The following YLPM1 variants were observed in gnomAD, a reference collection of about 807,000 sequenced individuals.
YLPM1 encodes the protein YLP motif containing 1.
In YLPM1, 99 loss-of-function variants were observed where a neutral mutation model predicts 230.0. The ratio of observed to expected loss-of-function variants is 0.43; its 90% CI spans 0.37 to 0.51. The LOEUF (loss-of-function observed/expected upper bound fraction) is 0.51. Among genes scored for constraint, YLPM1 ranks in the 20% least tolerant of loss-of-function variants. The pLI, the probability that YLPM1 is intolerant of heterozygous loss-of-function variation, is 0.00. For synonymous variants in YLPM1, 984 were observed against 942.5 expected, an observed-to-expected ratio of 1.04 and a Z score of -0.81; for missense variants, 2,592 against 2,707.7, an observed-to-expected ratio of 0.96 and a Z score of 0.95.
At chr14:74,778,202 G>A (rs1170478460) in intron 1 of YLPM1, among the ~76,000 whole-genome samples, 3 of 152,160 alleles carry the variant, frequency 2.0e-5, no homozygotes, top group Non-Finnish European at 4.4e-5. Flanking sequence ...TTTTATTAGA[G>A]TACAGAAGCA....
chr14:74,763,749 C>G lies in YLPM1; in HGVS notation c.260C>G (p.Pro87Arg). 6.7e-7 allele frequency: 1 copy of G among 1,492,012 alleles called. No individual in the cohort carries two copies. Among genetic ancestry groups the G allele is most frequent in the Non-Finnish European group, 8.9e-7 (1 of 1,121,652 alleles). 92.4% of individuals were successfully genotyped at this position (1,492,012 alleles called of 1,614,324 possible). A position where few individuals can be genotyped will look rare whatever the true frequency, so the allele number is the denominator to read the frequency against. ...QPHHLPPPPL[P>R]PPPVMPGGGY... ...CACCACCTTCCTCCGCCCCCTCTGC[C>G]GCCCCCGCCAGTGATGCCGGGGGGC... Residue 87 changes from proline to arginine, a missense_variant, in exon 1 of 21, where the codon CCG becomes CGG. Physicochemically the swap from Pro to Arg is moderately radical, Grantham distance 103. Coordinates refer to ENST00000325680, the MANE Select transcript of YLPM1 (RefSeq NM_019589.3).
intron 11 of YLPM1, among the ~76,000 whole-genome samples, chr14:74,814,344 G>C (rs1465879439): frequency 6.6e-6 from 1 of 152,222 alleles, no homozygotes; most frequent in African/African-American, 2.4e-5. Flanking sequence ...CTGGGCGACA[G>C]AGCGAGACTC....
At chr14:74,829,189 T>C (rs573122925) in intron 18 of YLPM1, 24 bp from the exon 19 acceptor site, 2 of 1,612,138 alleles carry the variant, frequency 1.2e-6, no homozygotes, top group East Asian at 2.2e-5. Context: ...TCCTTAATGC[T>C]ACGGCTCTGT....
rs754028636 is a variant in YLPM1, at chr14:74,780,558, A to T, written c.1264A>T (p.Ile422Phe). Reference protein sequence around the residue: ...LQQILQQYQQIIQPPPHIQTM... With the variant: ...LQQILQQYQQFIQPPPHIQTM... The stretch of plus-strand genomic sequence containing the variant: ...GCAGATTCTACAACAGTATCAGCAG[A>T]TTATACAGCCCCCACCACATATACA... The change falls in exon 3 of 21, where the codon ATT becomes TTT. Residue 422 changes from isoleucine (I) to phenylalanine (F), a missense_variant. Physicochemically the swap from Ile to Phe is conservative, Grantham distance 21. Around this residue, in one of 4 missense-constraint regions of YLPM1, gnomAD observed 1,862 missense variants for 1,819.8 expected, o/e 1.02. Coordinates refer to ENST00000325680, the MANE Select transcript of YLPM1 (RefSeq NM_019589.3). The T allele has an allele frequency of 6.2e-7, 1 of 1,613,640 alleles. No individual in the cohort carries two copies. Among genetic ancestry groups the T allele is most frequent in the Non-Finnish European group, 8.5e-7 (1 of 1,179,738 alleles).
At chr14:74,764,490 GT>G in intron 1 of YLPM1, 128 bp downstream of exon 1, 1 of 1,259,092 alleles carries the variant, frequency 7.9e-7, no homozygotes, top group Non-Finnish European at 1.1e-6. Context: ...AAAGGATTCC[GT>G]AAGAGTCAGA....
intron 1 of YLPM1, among the ~76,000 whole-genome samples, chr14:74,764,717 GT>G (rs1035413707): frequency 4.6e-5 from 7 of 152,166 alleles, no homozygotes; most frequent in African/African-American, 1.2e-4. Context: ...TTAAACGAAA[GT>G]TTCCATTTGA....
intron 4 of YLPM1, among the ~76,000 whole-genome samples, chr14:74,795,654 C>T (rs138210488): frequency 6.6e-6 from 1 of 152,356 alleles, no homozygotes; most frequent in East Asian, 1.9e-4. Flanking sequence ...ATCACCTTCA[C>T]TTACCCAAAT....
intron 4 of YLPM1, among the ~76,000 whole-genome samples, chr14:74,793,297 C>CA (rs2091225625): frequency 6.6e-6 from 1 of 152,048 alleles, no homozygotes; most frequent in Admixed American, 6.6e-5. Context: ...TGGAACTCTT[C>CA]ATTAGTAGGA....
rs1305723295 is a variant in YLPM1, at chr14:74,837,061, C to T, written c.*1323C>T. On this transcript the variant is annotated 3_prime_UTR_variant, in exon 21 of 21. Coordinates refer to ENST00000325680, the MANE Select transcript of YLPM1 (RefSeq NM_019589.3). ...CTCTTTCAGGCCACAGATGAAAATC[C>T]TTTACTTTTATGACCTACATTAAAG... 1.3e-5 allele frequency: 2 copies of T among 152,134 alleles called. No individual in the cohort carries two copies. Among genetic ancestry groups the T allele is most frequent in the East Asian group, 1.9e-4 (1 of 5,198 alleles). The allele number at this position is 152,134 out of a possible 1,614,324, so 9.4% of individuals were successfully genotyped here.
chr14:74,763,437 T>G lies in YLPM1; in HGVS notation c.-53T>G, dbSNP rs1427565534. Reference sequence around the variant, plus strand: ...CCGTCGCCGCCGCGGCTCCTGGAGGTCGGTTGCGACGAGTAACGGCGCCAG... The same window carrying G: ...CCGTCGCCGCCGCGGCTCCTGGAGGGCGGTTGCGACGAGTAACGGCGCCAG... On this transcript the variant is annotated 5_prime_UTR_variant, in exon 1 of 21. Coordinates refer to ENST00000325680, the MANE Select transcript of YLPM1 (RefSeq NM_019589.3). 1.5e-6 allele frequency: 2 copies of G among 1,354,168 alleles called. No individual in the cohort carries two copies. The highest frequency in any genetic ancestry group is 1.5e-5 in the African/African-American group (1 of 66,254). The allele number at this position is 1,354,168 out of a possible 1,614,324, so 83.9% of individuals were successfully genotyped here. A position where few individuals can be genotyped will look rare whatever the true frequency, so the allele number is the denominator to read the frequency against.
In YLPM1 at chr14:74,764,278, G is replaced by A; in HGVS notation, c.789G>A (p.Glu263=). 6.2e-7 allele frequency: 1 copy of A among 1,613,848 alleles called. No individual in the cohort carries two copies. The highest frequency in any genetic ancestry group is 8.5e-7 in the Non-Finnish European group (1 of 1,179,876). The stretch of plus-strand genomic sequence containing the variant: ...GAAATAAGACAACTGTCCAGCAAGA[G>A]CCTTTGGAGAGTGGGGCCAAAAACA... ...PPGNKTTVQQ[E]PLESGAKNKS... is the part of the protein sequence containing the mutation. Residue 263 remains glutamate, a synonymous_variant, in exon 1 of 21, where the codon GAG becomes GAA. Transcript: ENST00000325680.
At chr14:74,782,440 A>G (rs934279738) in intron 4 of YLPM1, 115 bp downstream of exon 4, 9 of 1,231,120 alleles carry the variant, frequency 7.3e-6, no homozygotes, top group Non-Finnish European at 9.6e-6. Context: ...CTCTCTTTGT[A>G]CTTATATTGT....
Position 74,764,239 on chromosome 14 carries a change from G to A in YLPM1, c.750G>A (p.Pro250=). ...SKSQLLAPPP[P]SAPPGNKTTV... is the part of the protein sequence containing the mutation. ...CCCAACTACTAGCTCCACCACCACC[G>A]TCCGCCCCCCCTGGAAATAAGACAA... Residue 250 remains proline, a synonymous_variant, in exon 1 of 21, where the codon CCG becomes CCA. Coordinates refer to ENST00000325680, the MANE Select transcript of YLPM1 (RefSeq NM_019589.3). 1 of 1,612,830 alleles carries A rather than the reference G, an allele frequency of 6.2e-7. No homozygotes were observed. The highest frequency in any genetic ancestry group is 8.5e-7 in the Non-Finnish European group (1 of 1,179,574).
At chr14:74,813,079 A>G (rs546780763) in intron 11 of YLPM1, among the ~76,000 whole-genome samples, 14 of 152,318 alleles carry the variant, frequency 9.2e-5, no homozygotes, top group African/African-American at 3.4e-4. Context: ...TGGTGTGTGG[A>G]ATAGAAAGGG....
chr14:74,813,615 A>T lies in YLPM1; in HGVS notation c.5502+833A>T, dbSNP rs185819361. Among the ~76,000 whole-genome samples, 1,269 of 151,548 alleles carry T rather than the reference A, an allele frequency of 8.4e-3. 15 individuals are homozygous for T. The highest frequency in any genetic ancestry group is 0.029 in the African/African-American group (1,209 of 41,292). ...TTTAATACATTCACATTTTTTTTTT[A>T]AATTATGGATTCAGGATACATGTGC... On this transcript the variant is annotated intron_variant, in intron 11 of 20. Transcript: ENST00000325680.
intron 4 of YLPM1, among the ~76,000 whole-genome samples, chr14:74,794,139 A>G (rs1182955866): frequency 6.6e-6 from 1 of 151,928 alleles, no homozygotes; most frequent in Admixed American, 6.6e-5. Flanking sequence ...GGTTTGTAAA[A>G]GGTCAACTTG....
At chr14:74,818,191 AG>A in intron 15 of YLPM1, 39 bp from the exon 16 acceptor site, 1 of 1,447,034 alleles carries the variant, frequency 6.9e-7, no homozygotes. Context: ...GTCTTTGAGT[AG>A]TTTCTAGAGA....
intron 11 of YLPM1, among the ~76,000 whole-genome samples, chr14:74,813,894 A>G (rs2091455667): frequency 6.6e-6 from 1 of 152,190 alleles, no homozygotes. Flanking sequence ...TATGTATAAG[A>G]TCATGTCATC....
intron 4 of YLPM1, among the ~76,000 whole-genome samples, chr14:74,782,871 CTT>C (rs1421999458): frequency 6.6e-6 from 1 of 152,078 alleles, no homozygotes; most frequent in African/African-American, 2.4e-5. Context: ...CCCCATGGAG[CTT>C]ACATCCTTTA....
Sources: allele counts gnomAD v4.1 joint callset (sites outside exome capture counted in the v4.1 genomes callset), GRCh38; gene constraint gnomAD v4.1.1; regional missense constraint gnomAD v4.1.1; transcripts MANE v1.5; gene names NCBI Gene and HGNC (gene_info 2026-07-23, HGNC 2026-07-21).